BAZ2B: variants seen among roughly 807,000 people sequenced by gnomAD.
BAZ2B encodes the protein bromodomain adjacent to zinc finger domain protein 2B.
BAZ2B carries 91 observed loss-of-function variants against 246.0 expected under a neutral mutation model. The ratio of observed to expected loss-of-function variants is 0.37; its 90% CI spans 0.31 to 0.44. The LOEUF is 0.44. Ranked by LOEUF, BAZ2B falls within the 20% of genes least tolerant of loss-of-function variation. The probability of loss-of-function intolerance (pLI) is 1.00; values close to 1 mark genes in which losing one functional copy is unlikely to be tolerated. For missense variants in BAZ2B, 2,332 were observed against 2,533.7 expected, an observed-to-expected ratio of 0.92 and a Z score of 1.71; for synonymous variants, 855 against 860.0, an observed-to-expected ratio of 0.99 and a Z score of 0.10.
chr2:159,444,418 C>G (rs895662788), intron 6 of BAZ2B: 1 of 152,056 alleles, frequency 6.6e-6, no homozygotes, highest in Non-Finnish European at 1.5e-5. Context: ...GGCCTTCCCC[C>G]AAGTCTTCAT....
At position 159,320,139 on chromosome 2, in the gene BAZ2B, T is replaced by C; in HGVS notation, c.*126A>G. 2.3e-6 allele frequency: 2 copies of C among 858,484 alleles called. No homozygotes were observed. Among genetic ancestry groups the C allele is most frequent in the Non-Finnish European group, 3.2e-6 (2 of 623,224 alleles). 53.2% of individuals were successfully genotyped at this position (858,484 alleles called of 1,614,324 possible). A position where few individuals can be genotyped will look rare whatever the true frequency, so the allele number is the denominator to read the frequency against. ...ATGGTATCATTCTTCTGATACTTTT[T>C]TTTTATACTTAAGGAAAAAGAAAGT... On this transcript the variant is annotated 3_prime_UTR_variant, in exon 37 of 37. Coordinates refer to ENST00000392783, the MANE Select transcript of BAZ2B (RefSeq NM_013450.4).
At chr2:159,370,111 A>T (rs554330729) in intron 27 of BAZ2B, among the ~76,000 whole-genome samples, 79 of 152,296 alleles carry the variant, frequency 5.2e-4, no homozygotes, top group African/African-American at 1.8e-3. Flanking sequence ...ATAGGTGGGA[A>T]TTGAACAATG....
At chr2:159,664,824 G>T in the BAZ2B span, among the ~76,000 whole-genome samples, 4 of 138,374 alleles carry the variant, frequency 2.9e-5, no homozygotes, top group African/African-American at 1.1e-4. Flanking sequence ...CCATTTTGTA[G>T]GTTGCCTGTT....
the BAZ2B span, among the ~76,000 whole-genome samples, chr2:159,623,384 A>C: frequency 6.6e-6 from 1 of 152,140 alleles, no homozygotes; most frequent in South Asian, 2.1e-4. Flanking sequence ...AAAACAAAAA[A>C]CAAAAAACCA....
chr2:159,534,906 C>T (rs957924270), intron 2 of BAZ2B, among the ~76,000 whole-genome samples: 3 of 152,086 alleles, frequency 2.0e-5, no homozygotes, highest in Non-Finnish European at 2.9e-5. Flanking sequence ...CACACCTGGC[C>T]TCCAAACATA....
At chr2:159,649,506 C>T in the BAZ2B span, among the ~76,000 whole-genome samples, 3 of 152,094 alleles carry the variant, frequency 2.0e-5, no homozygotes, top group Non-Finnish European at 2.9e-5. Context: ...TTGCCCACCA[C>T]TCACCTCCTG....
the BAZ2B span, among the ~76,000 whole-genome samples, chr2:159,663,383 A>C: frequency 1.1e-4 from 17 of 149,526 alleles, no homozygotes; most frequent in Non-Finnish European, 1.0e-4. Flanking sequence ...TTGTGTTTTT[A>C]GTAGAGATGC....
At chr2:159,364,759 C>T (rs1000761815) in intron 27 of BAZ2B, among the ~76,000 whole-genome samples, 5 of 152,172 alleles carry the variant, frequency 3.3e-5, no homozygotes, top group African/African-American at 9.7e-5. Context: ...CTTACAAGGT[C>T]GGCAGATGTT....
intron 32 of BAZ2B, 78 bp from the exon 33 acceptor site, chr2:159,337,155 A>G (rs2065818951): frequency 2.0e-6 from 3 of 1,495,180 alleles, no homozygotes; most frequent in South Asian, 1.2e-5. Context: ...CATCACACTG[A>G]AAGCCAAGCA....
chr2:159,588,646 T>A (rs1688609384), intron 1 of BAZ2B, among the ~76,000 whole-genome samples: 1 of 152,198 alleles, frequency 6.6e-6, no homozygotes, highest in Non-Finnish European at 1.5e-5. Context: ...AGACTCAATG[T>A]CAATAGCTCG....
At chr2:159,321,178 C>T (rs1015560957) in intron 36 of BAZ2B, among the ~76,000 whole-genome samples, 3 of 152,172 alleles carry the variant, frequency 2.0e-5, no homozygotes, top group Non-Finnish European at 4.4e-5. Context: ...AGGGAATGGT[C>T]ATTTCAAACC....
At chr2:159,680,142 A>C in the BAZ2B span, among the ~76,000 whole-genome samples, 1 of 152,246 alleles carries the variant, frequency 6.6e-6, no homozygotes, top group Non-Finnish European at 1.5e-5. Flanking sequence ...AGTTCTGGAC[A>C]GCTATCAGTA....
chr2:159,544,829 G>A (rs1176001083), intron 2 of BAZ2B, among the ~76,000 whole-genome samples: 1 of 152,146 alleles, frequency 6.6e-6, no homozygotes, highest in Non-Finnish European at 1.5e-5. Flanking sequence ...CGCTAAAGGA[G>A]TGCTTTGACT....
intron 3 of BAZ2B, among the ~76,000 whole-genome samples, chr2:159,476,368 C>T (rs1474385772): frequency 6.6e-6 from 1 of 152,078 alleles, no homozygotes; most frequent in Non-Finnish European, 1.5e-5. Flanking sequence ...TACTTTCATT[C>T]AATGTAAGCA....
chr2:159,400,802 A>G (rs1207322308), intron 16 of BAZ2B, 138 bp from the exon 17 acceptor site: 2 of 489,892 alleles, frequency 4.1e-6, no homozygotes, highest in Non-Finnish European at 7.4e-6. Context: ...GCACTTTGGG[A>G]GGCCAAGGTG....
chr2:159,524,737 G>A (rs1002830226), intron 2 of BAZ2B, among the ~76,000 whole-genome samples: 2 of 152,066 alleles, frequency 1.3e-5, no homozygotes, highest in African/African-American at 2.4e-5. Flanking sequence ...TAATTTTTTT[G>A]TAAGTAAAAT....
intron 13 of BAZ2B, among the ~76,000 whole-genome samples, chr2:159,414,235 T>C (rs1006424885): frequency 2.0e-5 from 3 of 152,014 alleles, no homozygotes; most frequent in Admixed American, 2.0e-4. Context: ...TCAACAGAGA[T>C]AGAGAGCAGA....
the BAZ2B span, among the ~76,000 whole-genome samples, chr2:159,672,993 A>G: frequency 3.3e-5 from 5 of 152,336 alleles, no homozygotes; most frequent in Admixed American, 2.6e-4. Context: ...AGATTCATTG[A>G]AAGAAAATAT....
intron 25 of BAZ2B, among the ~76,000 whole-genome samples, chr2:159,377,990 T>C (rs577615676): frequency 1.1e-4 from 17 of 152,296 alleles, no homozygotes; most frequent in African/African-American, 3.6e-4. Flanking sequence ...TCTAGTTTAG[T>C]AAGATAACTA....
Sources: gnomAD v4.1 joint callset for allele counts (sites outside exome capture counted in the v4.1 genomes callset) on GRCh38, gnomAD v4.1.1 for gene constraint, MANE v1.5 for transcripts, NCBI Gene and HGNC (gene_info 2026-07-23, HGNC 2026-07-21) for gene names.